LRMDA: variants seen among roughly 807,000 people sequenced by gnomAD.
The protein encoded by LRMDA is leucine-rich melanocyte differentiation-associated protein.
In LRMDA, 18 loss-of-function variants were observed where a neutral mutation model predicts 29.8. The ratio of observed to expected loss-of-function variants is 0.60; its 90% CI spans 0.42 to 0.90. LRMDA has a LOEUF of 0.90. LRMDA is among the 40% of genes least tolerant of loss of function. LRMDA has a pLI of 0.00. For synonymous variants in LRMDA, 125 were observed against 109.4 expected (o/e 1.14, Z -0.89); for missense variants, 273 against 273.9 (o/e 1.00, Z 0.02).
At chr10:75,840,690 G>A (rs1463466514) in intron 2 of LRMDA, among the ~76,000 whole-genome samples, 1 of 152,198 alleles carries the variant, frequency 6.6e-6, no homozygotes, top group East Asian at 1.9e-4. Context: ...CTTGAGACAA[G>A]ATATTGCTTT....
At chr10:75,993,198 AT>A (rs1463359297) in intron 2 of LRMDA, among the ~76,000 whole-genome samples, 1 of 152,088 alleles carries the variant, frequency 6.6e-6, no homozygotes, top group Non-Finnish European at 1.5e-5. Context: ...AGCTCAGGAA[AT>A]TCTTTGATCC....
chr10:76,533,721 A>G (rs1843261559), intron 6 of LRMDA, among the ~76,000 whole-genome samples: 1 of 152,230 alleles, frequency 6.6e-6, no homozygotes, highest in Non-Finnish European at 1.5e-5. Context: ...TTATTTAAGT[A>G]TTCCTGAGTA....
intron 6 of LRMDA, among the ~76,000 whole-genome samples, chr10:76,522,618 G>A (rs1359224582): frequency 6.6e-6 from 1 of 152,160 alleles, no homozygotes; most frequent in Non-Finnish European, 1.5e-5. Context: ...TAATGACCTT[G>A]AGGTTTCATC....
intron 2 of LRMDA, among the ~76,000 whole-genome samples, chr10:75,547,985 T>G (rs1483617835): frequency 6.6e-6 from 1 of 152,182 alleles, no homozygotes; most frequent in Non-Finnish European, 1.5e-5. Flanking sequence ...AGGGCTTATT[T>G]TATCAAGCGC....
At chr10:75,794,955 T>C (rs1195432177) in intron 2 of LRMDA, among the ~76,000 whole-genome samples, 1 of 152,156 alleles carries the variant, frequency 6.6e-6, no homozygotes, top group Non-Finnish European at 1.5e-5. Flanking sequence ...ATTTTTTTTT[T>C]TTGTTAATGC....
At chr10:75,523,710 C>G (rs1212679975) in intron 2 of LRMDA, among the ~76,000 whole-genome samples, 3 of 152,148 alleles carry the variant, frequency 2.0e-5, no homozygotes, top group Non-Finnish European at 4.4e-5. Context: ...GGATGTGTGG[C>G]TACTCCAGTA....
intron 2 of LRMDA, among the ~76,000 whole-genome samples, chr10:75,958,199 C>A (rs1469078344): frequency 6.6e-6 from 1 of 152,146 alleles, no homozygotes; most frequent in East Asian, 1.9e-4. Context: ...CCAAGGGCTG[C>A]TTCAGGTACA....
chr10:75,481,128 G>A (rs1673305624), intron 2 of LRMDA, among the ~76,000 whole-genome samples: 1 of 152,126 alleles, frequency 6.6e-6, no homozygotes, highest in South Asian at 2.1e-4. Context: ...TATAGCTCTA[G>A]GGTTGAGAGT....
At chr10:76,337,616 A>G (rs1269253559) in intron 6 of LRMDA, among the ~76,000 whole-genome samples, 1 of 152,144 alleles carries the variant, frequency 6.6e-6, no homozygotes, top group Non-Finnish European at 1.5e-5. Flanking sequence ...GTGGTAGATG[A>G]AGCCAGAACA....
intron 5 of LRMDA, among the ~76,000 whole-genome samples, chr10:76,224,753 G>A (rs967477559): frequency 2.1e-5 from 3 of 143,498 alleles, no homozygotes; most frequent in African/African-American, 7.7e-5. Flanking sequence ...ATCAAGTAAT[G>A]AGCAGTGAAG....
In LRMDA at chr10:76,369,571, A is replaced by C. The variant is rs182995960; in HGVS notation, c.601+45086A>C. Among the ~76,000 whole-genome samples the C allele has an allele frequency of 5.8e-3, 882 of 152,210 alleles. 12 individuals are homozygous for C. The highest frequency in any genetic ancestry group is 0.02 in the African/African-American group (841 of 41,526). Reference sequence around the variant, plus strand: ...CTTTCCTTCATCTTAAATTTGGATAACCTGATGACAATGTTCTTAGGCAGA... The same window carrying C: ...CTTTCCTTCATCTTAAATTTGGATACCCTGATGACAATGTTCTTAGGCAGA... On this transcript the variant is annotated intron_variant, in intron 6 of 6. Transcript: ENST00000611255.
intron 6 of LRMDA, among the ~76,000 whole-genome samples, chr10:76,538,206 A>G (rs1489960227): frequency 1.3e-5 from 2 of 151,932 alleles, no homozygotes; most frequent in Non-Finnish European, 2.9e-5. Context: ...TATGATGATA[A>G]AGAGACATAT....
At chr10:76,285,716 A>G (rs561238948) in intron 5 of LRMDA, among the ~76,000 whole-genome samples, 3 of 152,264 alleles carry the variant, frequency 2.0e-5, no homozygotes, top group South Asian at 2.1e-4. Context: ...GAGACAGGCC[A>G]GTATCTTTGG....
intron 2 of LRMDA, among the ~76,000 whole-genome samples, chr10:75,895,401 C>A (rs144713647): frequency 6.6e-6 from 1 of 152,170 alleles, no homozygotes; most frequent in Admixed American, 6.5e-5. Flanking sequence ...TTCACAAAAA[C>A]CCTGTGAAGT....
intron 2 of LRMDA, among the ~76,000 whole-genome samples, chr10:75,703,547 C>T (rs1842333130): frequency 6.6e-6 from 1 of 152,172 alleles, no homozygotes; most frequent in Non-Finnish European, 1.5e-5. Flanking sequence ...TTCTACTTAG[C>T]ATGGATTTGT....
chr10:75,585,450 A>G (rs1367720290), intron 2 of LRMDA, among the ~76,000 whole-genome samples: 2 of 152,284 alleles, frequency 1.3e-5, no homozygotes, highest in East Asian at 3.9e-4. Context: ...TGTTATGAAC[A>G]TTCTTGTCTG....
chr10:75,951,833 C>T (rs187289540), intron 2 of LRMDA, among the ~76,000 whole-genome samples: 13 of 152,198 alleles, frequency 8.5e-5, no homozygotes, highest in African/African-American at 2.2e-4. Context: ...TCTGCCTCAG[C>T]GTTCTCTGAC....
intron 5 of LRMDA, among the ~76,000 whole-genome samples, chr10:76,147,349 C>A (rs1473128846): frequency 6.6e-6 from 1 of 152,258 alleles, no homozygotes; most frequent in South Asian, 2.1e-4. Context: ...GGTCTTTTCA[C>A]ATAGTCCCAT....
intron 5 of LRMDA, among the ~76,000 whole-genome samples, chr10:76,244,280 A>G (rs776702892): frequency 1.2e-4 from 18 of 152,270 alleles, no homozygotes; most frequent in South Asian, 1.0e-3. Flanking sequence ...ACAGGCATTC[A>G]GTACACATCA....
Sources: gnomAD v4.1 joint callset for allele counts (sites outside exome capture counted in the v4.1 genomes callset) on GRCh38, gnomAD v4.1.1 for gene constraint, MANE v1.5 for transcripts, NCBI Gene and HGNC (gene_info 2026-07-23, HGNC 2026-07-21) for gene names.